Variants in JMJD1C observed in about 807,000 individuals in gnomAD.
JMJD1C encodes the protein jumonji domain containing 1C, also known as jumonji domain-containing protein 1C.
A neutral mutation model predicts 245.3 loss-of-function variants in JMJD1C; 31 were observed. The observed-to-expected ratio is 0.13, with a 90% confidence interval of 0.09 to 0.17. The LOEUF (loss-of-function observed/expected upper bound fraction) is 0.17, where lower values mean the gene tolerates loss of function less well. JMJD1C is among the 10% of genes least tolerant of loss of function. The pLI is 1.00. For synonymous variants in JMJD1C, 1,057 were observed against 1,017.4 expected (o/e 1.04, Z -0.74); for missense variants, 2,691 against 3,000.2 (o/e 0.90, Z 2.41).
intron 2 of JMJD1C, among the ~76,000 whole-genome samples, chr10:63,290,366 C>T (rs1858506754): frequency 1.3e-5 from 2 of 151,970 alleles, no homozygotes; most frequent in African/African-American, 4.8e-5. Context: ...ATCAGGAGTT[C>T]GAATCCAGCC....
intron 8 of JMJD1C, 119 bp from the exon 9 acceptor site, chr10:63,209,354 G>C (rs949401111): frequency 3.1e-6 from 2 of 651,766 alleles, no homozygotes; most frequent in African/African-American, 3.8e-5. Flanking sequence ...TCAAATAGCA[G>C]TTTCTTTGGG....
intron 2 of JMJD1C, among the ~76,000 whole-genome samples, chr10:63,306,463 A>ATT (rs1938250223): frequency 6.6e-6 from 1 of 152,222 alleles, no homozygotes; most frequent in African/African-American, 2.4e-5. Context: ...CTCAAACTCC[A>ATT]GTAACCCACA....
intron 2 of JMJD1C, among the ~76,000 whole-genome samples, chr10:63,285,821 C>T (rs937519468): frequency 2.0e-5 from 3 of 152,034 alleles, no homozygotes; most frequent in Admixed American, 1.3e-4. Context: ...AACAAACAAA[C>T]GAACAAACAA....
intron 1 of JMJD1C, among the ~76,000 whole-genome samples, chr10:63,507,657 A>AAAAAAAAAAAAAAAAAAAAAAAAAAC (rs1187173031): frequency 2.0e-5 from 3 of 150,052 alleles, no homozygotes; most frequent in African/African-American, 7.4e-5. Flanking sequence ...AAAAAAAAAA[A>AAAAAAAAAAAAAAAAAAAAAAAAAAC]AAAAAACAGT....
At position 63,214,048 on chromosome 10, in the gene JMJD1C, T is replaced by C. The variant is rs1324107210; in HGVS notation, c.2119A>G (p.Lys707Glu). Reference sequence around the variant, plus strand: ...CTGTAAACTGTAAAATGCTCATTTTTATCAATGATAAGAGGACTCTTTGTA... The same window carrying C: ...CTGTAAACTGTAAAATGCTCATTTTCATCAATGATAAGAGGACTCTTTGTA... ...ETTKSPLIID[K>E]NEHFTVYRDP... Residue 707 changes from lysine to glutamate, a missense_variant, in exon 8 of 26, where the codon AAA becomes GAA. Transcript: ENST00000399262. 9 of 1,614,094 alleles carry C rather than the reference T, an allele frequency of 5.6e-6. No individual in the cohort carries two copies. Among genetic ancestry groups the C allele is most frequent in the Non-Finnish European group, 7.6e-6 (9 of 1,180,014 alleles).
At chr10:63,275,289 G>A (rs533964349) in intron 2 of JMJD1C, among the ~76,000 whole-genome samples, 1 of 152,156 alleles carries the variant, frequency 6.6e-6, no homozygotes, top group South Asian at 2.1e-4. Flanking sequence ...AGAGAGCAAA[G>A]TGTTTTGCCA....
chr10:63,189,874 C>T (rs1338351048), intron 17 of JMJD1C, among the ~76,000 whole-genome samples: 15 of 151,556 alleles, frequency 9.9e-5, no homozygotes, highest in South Asian at 2.1e-4. Flanking sequence ...CCCCCCAATA[C>T]TCCATATATA....
intron 3 of JMJD1C, among the ~76,000 whole-genome samples, chr10:63,226,377 G>A (rs527339377): frequency 6.6e-6 from 1 of 152,164 alleles, no homozygotes; most frequent in South Asian, 2.1e-4. Flanking sequence ...CTGAATGACT[G>A]CTTGGATGAT....
chr10:63,456,474 T>A (rs967038448), intron 1 of JMJD1C, among the ~76,000 whole-genome samples: 2 of 152,100 alleles, frequency 1.3e-5, no homozygotes, highest in African/African-American at 4.8e-5. Flanking sequence ...AAATAACACA[T>A]AATTTTAACC....
chr10:63,481,036 T>C (rs186753328), intron 1 of JMJD1C, among the ~76,000 whole-genome samples: 38 of 152,346 alleles, frequency 2.5e-4, no homozygotes, highest in Non-Finnish European at 2.9e-5. Context: ...ATGCCACTCA[T>C]GTGTTGACAT....
intron 22 of JMJD1C, among the ~76,000 whole-genome samples, chr10:63,183,131 G>C (rs558540233): frequency 3.9e-4 from 60 of 152,314 alleles, no homozygotes; most frequent in African/African-American, 1.4e-3. Flanking sequence ...AAAGTACTGA[G>C]ATTACAGGTG....
intron 1 of JMJD1C, among the ~76,000 whole-genome samples, chr10:63,496,106 C>G (rs959486480): frequency 2.7e-5 from 4 of 149,112 alleles, no homozygotes; most frequent in Non-Finnish European, 3.0e-5. Flanking sequence ...TCCAACCACT[C>G]ATTTGTAGGA....
At chr10:63,394,889 G>A (rs1564873511) in intron 1 of JMJD1C, among the ~76,000 whole-genome samples, 1 of 148,742 alleles carries the variant, frequency 6.7e-6, no homozygotes, top group Admixed American at 6.7e-5. Context: ...AATTGGAAAC[G>A]TTTTACTCTG....
intron 1 of JMJD1C, among the ~76,000 whole-genome samples, chr10:63,506,671 A>G (rs1020021255): frequency 2.0e-5 from 3 of 152,074 alleles, no homozygotes; most frequent in Admixed American, 1.3e-4. Flanking sequence ...CAGAGTTCCC[A>G]TTTACCGCCT....
Position 63,215,255 on chromosome 10 carries a change from G to T in JMJD1C, c.1015+8C>A. The T allele has an allele frequency of 6.3e-7, 1 of 1,593,162 alleles. No individual in the cohort carries two copies. ...TTTCATTCCCTTAAAAAAAAAAGTGGGTCCTACCTCCTCGTGATATATAAT... is the reference window on the plus strand; with the variant it reads ...TTTCATTCCCTTAAAAAAAAAAGTGTGTCCTACCTCCTCGTGATATATAAT... On this transcript the variant is annotated splice_region_variant and intron_variant, in intron 7 of 25. Coordinates refer to ENST00000399262, the MANE Select transcript of JMJD1C (RefSeq NM_032776.3).
intron 24 of JMJD1C, among the ~76,000 whole-genome samples, chr10:63,169,238 G>A (rs1842124868): frequency 6.6e-6 from 1 of 152,086 alleles, no homozygotes; most frequent in South Asian, 2.1e-4. Context: ...TTCCCAAGAA[G>A]CCAGTCAATA....
At chr10:63,392,517 A>G (rs1338061045) in intron 1 of JMJD1C, among the ~76,000 whole-genome samples, 1 of 152,124 alleles carries the variant, frequency 6.6e-6, no homozygotes, top group Non-Finnish European at 1.5e-5. Context: ...ACAGTTTAAA[A>G]AAAAATCCCA....
intron 2 of JMJD1C, among the ~76,000 whole-genome samples, chr10:63,323,619 C>A (rs976970895): frequency 2.6e-5 from 4 of 152,104 alleles, no homozygotes; most frequent in Non-Finnish European, 5.9e-5. Flanking sequence ...CTGATAAGAG[C>A]ACAATAAGGC....
intron 1 of JMJD1C, among the ~76,000 whole-genome samples, chr10:63,416,037 G>A (rs1949781210): frequency 6.6e-6 from 1 of 152,138 alleles, no homozygotes; most frequent in Non-Finnish European, 1.5e-5. Context: ...CTTTAAAGTG[G>A]ATTCATGCAG....
Sources: allele counts gnomAD v4.1 joint callset (sites outside exome capture counted in the v4.1 genomes callset), GRCh38; gene constraint gnomAD v4.1.1; transcripts MANE v1.5; gene names NCBI Gene and HGNC (gene_info 2026-07-23, HGNC 2026-07-21).